Variants in DST observed in about 807,000 individuals in gnomAD.
DST encodes the protein dystonin.
Under a neutral mutation model 875.2 loss-of-function variants are expected in DST, and 253 were observed. That is an observed-to-expected ratio of 0.29 (90% CI 0.26 to 0.32). The LOEUF (loss-of-function observed/expected upper bound fraction) is 0.32, where lower values mean the gene tolerates loss of function less well. Among genes scored for constraint, DST ranks in the 10% least tolerant of loss-of-function variants. DST has a pLI of 1.00. For missense variants in DST, 8,287 were observed against 9,111.6 expected, an observed-to-expected ratio of 0.91 and a Z score of 3.68; for synonymous variants, 3,124 against 3,197.1, an observed-to-expected ratio of 0.98 and a Z score of 0.77.
intron 87 of DST, among the ~76,000 whole-genome samples, chr6:56,485,936 C>G (rs904188346): frequency 6.6e-6 from 1 of 152,132 alleles, no homozygotes. Context: ...GCCCTGCCCC[C>G]GCCTTCAAAC....
chr6:56,866,373 T>A (rs1440364512), intron 3 of DST, among the ~76,000 whole-genome samples: 1 of 152,204 alleles, frequency 6.6e-6, no homozygotes, highest in Non-Finnish European at 1.5e-5. Flanking sequence ...TTCCAACTGA[T>A]CTTGCTTGCC....
At chr6:56,704,628 C>T (rs1435464419) in intron 5 of DST, among the ~76,000 whole-genome samples, 1 of 152,136 alleles carries the variant, frequency 6.6e-6, no homozygotes, top group African/African-American at 2.4e-5. Flanking sequence ...TAAGCCTGGA[C>T]TACTACATGG....
chr6:56,463,804 C>T (rs767868042), intron 100 of DST, 40 bp from the exon 101 acceptor site: 25 of 1,606,916 alleles, frequency 1.6e-5, no homozygotes, highest in Admixed American at 3.3e-5. Context: ...AAAGAAAAGA[C>T]GGAAAAGAAG....
chr6:56,555,736 C>A lies in DST; in HGVS notation c.14745G>T (p.Gly4915=). The change falls in exon 60 of 104, where the codon GGG becomes GGT. Residue 4915 remains glycine, a synonymous_variant. Coordinates refer to ENST00000680361, the MANE Select transcript of DST (RefSeq NM_001374736.1). ...SRPGEDPSLR[G]IVKEQLAAVT... is the part of the protein sequence containing the mutation. Reference sequence around the variant, plus strand: ...CAGCTGCCAGTTGCTCTTTCACAATCCCACGTAAAGAAGGGTCTTCTCCAG... The same window carrying A: ...CAGCTGCCAGTTGCTCTTTCACAATACCACGTAAAGAAGGGTCTTCTCCAG... 1 of 1,607,772 alleles carries A rather than the reference C, an allele frequency of 6.2e-7. No homozygotes were observed. Among genetic ancestry groups the A allele is most frequent in the South Asian group, 1.1e-5 (1 of 90,890 alleles).
intron 74 of DST, 62 bp downstream of exon 74, chr6:56,509,580 G>T: frequency 1.6e-6 from 2 of 1,280,388 alleles, no homozygotes; most frequent in Non-Finnish European, 2.2e-6. Flanking sequence ...ATTGGACGGT[G>T]AGTAAACCGC....
rs17674547 is a variant in DST at position 56,615,348 on chromosome 6, T to G, written c.4930-864A>C. On this transcript the variant is annotated intron_variant, in intron 36 of 103. Coordinates refer to ENST00000680361, the MANE Select transcript of DST (RefSeq NM_001374736.1). ...AAGGGCATTAAATCTTATGTAATTT[T>G]CAATTTAAAACTTACTCTATTTTGA... 0.022 allele frequency: 32,846 copies of G among 1,461,650 alleles called. 447 individuals are homozygous for G. The highest frequency in any genetic ancestry group is 0.026 in the Non-Finnish European group (28,703 of 1,112,728). 90.5% of individuals were successfully genotyped at this position (1,461,650 alleles called of 1,614,324 possible). A position where few individuals can be genotyped will look rare whatever the true frequency, so the allele number is the denominator to read the frequency against.
chr6:56,797,109 A>G (rs2099740771), intron 4 of DST, among the ~76,000 whole-genome samples: 1 of 152,172 alleles, frequency 6.6e-6, no homozygotes, highest in Admixed American at 6.5e-5. Context: ...CACAATATTC[A>G]AACTTTTTCA....
chr6:56,586,900 A>C (rs1292367535), intron 49 of DST, among the ~76,000 whole-genome samples: 2 of 152,170 alleles, frequency 1.3e-5, no homozygotes, highest in Non-Finnish European at 2.9e-5. Context: ...CCACACCAAA[A>C]ACCCATCTGT....
rs147269051 is a variant in DST, at chr6:56,736,109, C to T, written c.626-820G>A. ...TTCACCATGTTGGCCAGGCTGGTCT[C>T]GAACCCCTGACTTCAAGTGATCCAC... On this transcript the variant is annotated intron_variant, in intron 4 of 103. Coordinates refer to ENST00000680361, the MANE Select transcript of DST (RefSeq NM_001374736.1). Among the ~76,000 whole-genome samples the T allele has an allele frequency of 3.2e-3, 490 of 152,128 alleles. 1 individual carries two copies. The highest frequency in any genetic ancestry group is 0.011 in the African/African-American group (460 of 41,490).
intron 4 of DST, among the ~76,000 whole-genome samples, chr6:56,825,570 T>C (rs865822357): frequency 6.6e-6 from 1 of 152,062 alleles, no homozygotes; most frequent in South Asian, 2.1e-4. Flanking sequence ...TCAAAAGTAT[T>C]CTATCTTCTG....
chr6:56,731,073 G>A (rs571235343), intron 5 of DST, among the ~76,000 whole-genome samples: 105 of 152,274 alleles, frequency 6.9e-4, no homozygotes, highest in Non-Finnish European at 1.3e-3. Flanking sequence ...CCATCCTCAA[G>A]CAGCCTTGGC....
At chr6:56,509,295 A>C (rs1283765066) in intron 74 of DST, among the ~76,000 whole-genome samples, 1 of 152,146 alleles carries the variant, frequency 6.6e-6, no homozygotes, top group East Asian at 1.9e-4. Flanking sequence ...GATCCATGCT[A>C]TGTAAGGTAG....
intron 36 of DST, among the ~76,000 whole-genome samples, chr6:56,623,698 C>A (rs1397147297): frequency 6.6e-6 from 1 of 152,104 alleles, no homozygotes. Flanking sequence ...TAATGGCCCA[C>A]AATTTATTTA....
intron 4 of DST, among the ~76,000 whole-genome samples, chr6:56,786,219 A>C (rs1043596288): frequency 2.6e-5 from 4 of 152,164 alleles, no homozygotes; most frequent in African/African-American, 9.7e-5. Context: ...TCATTCCCCC[A>C]TCTCCAAGTC....
intron 4 of DST, among the ~76,000 whole-genome samples, chr6:56,821,958 T>C (rs574378315): frequency 6.6e-6 from 1 of 150,466 alleles, no homozygotes; most frequent in African/African-American, 2.4e-5. Context: ...TCAAAGTCTT[T>C]AATATGCACT....
intron 2 of DST, among the ~76,000 whole-genome samples, chr6:56,916,966 G>A (rs911997449): frequency 1.6e-5 from 2 of 122,940 alleles, no homozygotes; most frequent in Admixed American, 1.0e-4. Flanking sequence ...GCCAAGACTC[G>A]CCATCAAGCC....
chr6:56,484,774 C>T (rs1314629843), intron 88 of DST: 1 of 152,224 alleles, frequency 6.6e-6, no homozygotes, highest in Non-Finnish European at 1.5e-5. Context: ...CCAGTTTTCT[C>T]GAAGTAAATA....
In DST at chr6:56,929,071, A is replaced by G. The variant is rs537248557; in HGVS notation, c.216+24714T>C. Among the ~76,000 whole-genome samples the G allele has an allele frequency of 7.9e-5, 12 of 152,336 alleles. No homozygotes were observed. In the South Asian group the frequency reaches 2.3e-3, roughly 29 times the overall value. ...CTAATATTCACATAGGAATAAAAAG[A>G]ATACAACTAAAAGAGTATACCAATA... On this transcript the variant is annotated intron_variant, in intron 2 of 103. Transcript: ENST00000680361.
chr6:56,905,302 T>A (rs994764872), intron 2 of DST, among the ~76,000 whole-genome samples: 7 of 152,128 alleles, frequency 4.6e-5, no homozygotes, highest in African/African-American at 1.7e-4. Flanking sequence ...AACCTTTAAG[T>A]GCACAATACA....
Sources: allele counts gnomAD v4.1 joint callset (sites outside exome capture counted in the v4.1 genomes callset), GRCh38; gene constraint gnomAD v4.1.1; transcripts MANE v1.5; gene names NCBI Gene and HGNC (gene_info 2026-07-23, HGNC 2026-07-21).